The following PRMT8 variants were observed in gnomAD, a reference collection of about 807,000 sequenced individuals.
PRMT8 encodes protein arginine N-methyltransferase 8.
In PRMT8, 7 loss-of-function variants were observed where a neutral mutation model predicts 47.1. The ratio of observed to expected loss-of-function variants is 0.15; its 90% CI spans 0.08 to 0.28. The LOEUF is 0.28. PRMT8 is among the 10% of genes least tolerant of loss of function. The probability of loss-of-function intolerance (pLI) is 1.00; values close to 1 mark genes in which losing one functional copy is unlikely to be tolerated. For synonymous variants in PRMT8, 188 were observed against 186.5 expected, an observed-to-expected ratio of 1.01 and a Z score of -0.07; for missense variants, 237 against 505.4, an observed-to-expected ratio of 0.47 and a Z score of 5.09.
At chr12:3,450,860 A>G (rs1051265849) in intron 1 of PRMT8, among the ~76,000 whole-genome samples, 1 of 152,220 alleles carries the variant, frequency 6.6e-6, no homozygotes, top group Non-Finnish European at 1.5e-5. Context: ...TTGCTTCTGC[A>G]AGCACTCAGC....
At position 3,557,584 on chromosome 12, in the gene PRMT8, C is replaced by A. The variant is rs140445252; in HGVS notation, c.481+3870C>A. Among the ~76,000 whole-genome samples the A allele has an allele frequency of 3.2e-4, 49 of 152,296 alleles. No individual in the cohort carries two copies. In the East Asian group the frequency reaches 8.9e-3, roughly 28 times the overall value. On this transcript the variant is annotated intron_variant, in intron 4 of 9. Transcript: ENST00000382622. The surrounding 1 kb of genome is among the most constrained non-coding windows in gnomAD (Gnocchi z 4.7). ...TCCTCAGAGAAGTGCTTGACCCGGG[C>A]TCCCTATCTGCTTACTAAAGACAGA...
rs1368638381 is a variant in PRMT8, at chr12:3,535,428, A to G, written c.76-5178A>G. ...GCGTGGTGAGTCGAAGGCAAATCAC[A>G]AGTATTGACAGTGGAGGGTGATTCT... On this transcript the variant is annotated intron_variant, in intron 1 of 9. Transcript: ENST00000382622. This position sits in a 1 kb window ranked among gnomAD's most constrained non-coding sequence, Gnocchi z 4.7. 6.6e-6 allele frequency among the ~76,000 whole-genome samples: 1 copy of G among 152,188 alleles called. No homozygotes were observed. Among genetic ancestry groups the G allele is most frequent in the East Asian group, 1.9e-4 (1 of 5,188 alleles).
At chr12:3,480,779 C>G (rs1865266887) in intron 1 of PRMT8, among the ~76,000 whole-genome samples, 1 of 152,168 alleles carries the variant, frequency 6.6e-6, no homozygotes, top group African/African-American at 2.4e-5. Context: ...ACTTCCACCC[C>G]CAAAATCATG....
At chr12:3,489,989 C>A (rs898576089), upstream of PRMT8, among the ~76,000 whole-genome samples, 1 of 152,120 alleles carries the variant, frequency 6.6e-6, no homozygotes, top group Admixed American at 6.5e-5. Flanking sequence ...GGCATGTTTC[C>A]TACTGAGAAT....
chr12:3,548,163 G>T (rs1020202136), intron 2 of PRMT8, among the ~76,000 whole-genome samples: 2 of 152,024 alleles, frequency 1.3e-5, no homozygotes, highest in African/African-American at 4.8e-5. Flanking sequence ...AAGAAAAAAT[G>T]AGCTCACACC....
At chr12:3,568,162 A>T (rs914439872) in intron 4 of PRMT8, among the ~76,000 whole-genome samples, 1 of 152,194 alleles carries the variant, frequency 6.6e-6, no homozygotes, top group Non-Finnish European at 1.5e-5. Context: ...GGAAATTGTT[A>T]AGAAAATCCT....
upstream of PRMT8, among the ~76,000 whole-genome samples, chr12:3,489,823 A>ACACACACACGCG (rs1319980050): frequency 7.0e-6 from 1 of 142,654 alleles, no homozygotes; most frequent in East Asian, 2.1e-4. Flanking sequence ...ACACACACAC[A>ACACACACACGCG]CACACACACA....
chr12:3,499,104 C>G (rs11613909), intron 1 of PRMT8, among the ~76,000 whole-genome samples: 1 of 151,854 alleles, frequency 6.6e-6, no homozygotes, highest in African/African-American at 2.4e-5. Flanking sequence ...AGGGGCCACT[C>G]TAATCCAATA....
At chr12:3,407,818 C>A (rs554817019) in intron 1 of PRMT8, among the ~76,000 whole-genome samples, 1 of 151,954 alleles carries the variant, frequency 6.6e-6, no homozygotes, top group Non-Finnish European at 1.5e-5. Context: ...ATTCTCTTTT[C>A]TTTTTTTCCC....
chr12:3,455,376 G>A (rs1268570085), intron 1 of PRMT8, among the ~76,000 whole-genome samples: 1 of 152,168 alleles, frequency 6.6e-6, no homozygotes, highest in East Asian at 1.9e-4. Context: ...CTTGGGGTGT[G>A]GAAGGCAAGA....
intron 1 of PRMT8, among the ~76,000 whole-genome samples, chr12:3,495,342 G>T (rs189677757): frequency 5.1e-4 from 78 of 152,268 alleles, no homozygotes; most frequent in Non-Finnish European, 3.7e-4. Flanking sequence ...AGCATGGTGT[G>T]CAAAGCCCAT....
Position 3,492,383 on chromosome 12 carries a change from C to A in PRMT8, c.75+683C>A, listed in dbSNP as rs1453765156. Among the ~76,000 whole-genome samples the A allele has an allele frequency of 6.6e-6, 1 of 152,166 alleles. No homozygotes were observed. Among genetic ancestry groups the A allele is most frequent in the Non-Finnish European group, 1.5e-5 (1 of 68,012 alleles). ...CACGGGCCGCGGCCACCTTCAGCACCAGGGACAGCGTCCGCCCCTGCAGCA... is the reference window on the plus strand; with the variant it reads ...CACGGGCCGCGGCCACCTTCAGCACAAGGGACAGCGTCCGCCCCTGCAGCA... On this transcript the variant is annotated intron_variant, in intron 1 of 9. Transcript: ENST00000382622. The surrounding 1 kb of genome is among the most constrained non-coding windows in gnomAD (Gnocchi z 7.5).
At chr12:3,387,323 C>T (rs1376690345) in intron 1 of PRMT8, among the ~76,000 whole-genome samples, 2 of 152,216 alleles carry the variant, frequency 1.3e-5, no homozygotes, top group African/African-American at 4.8e-5. Context: ...CAGAGGATGT[C>T]CCCATTATAA....
At position 3,579,941 on chromosome 12, in the gene PRMT8, T is replaced by C. The variant is rs560683288; in HGVS notation, c.828+2955T>C. On this transcript the variant is annotated intron_variant, in intron 7 of 9. Transcript: ENST00000382622. ...TCTCCCTGGGGTCTCAGAGCTGCTGTTTCTGCTGCAGAAAAGAGGAAGCCT... is the reference window on the plus strand; with the variant it reads ...TCTCCCTGGGGTCTCAGAGCTGCTGCTTCTGCTGCAGAAAAGAGGAAGCCT... Among the ~76,000 whole-genome samples, 5 of 152,148 alleles carry C rather than the reference T, an allele frequency of 3.3e-5. No homozygotes were observed. The East Asian group carries it at 9.7e-4, about 29-fold the overall frequency.
intron 1 of PRMT8, among the ~76,000 whole-genome samples, chr12:3,473,840 C>T (rs971339569): frequency 3.9e-5 from 6 of 152,326 alleles, no homozygotes; most frequent in African/African-American, 9.6e-5. Context: ...CTGCTTCTCC[C>T]TCTCATCCTG....
At chr12:3,491,124 C>T (rs1489012905), upstream of PRMT8, 9 of 984,306 alleles carry the variant, frequency 9.1e-6, no homozygotes, top group Non-Finnish European at 1.1e-5. Context: ...CGCCCAGCCG[C>T]CGCCGGCTCC....
intron 1 of PRMT8, among the ~76,000 whole-genome samples, chr12:3,459,983 A>G (rs1366471804): frequency 6.6e-6 from 1 of 152,194 alleles, no homozygotes; most frequent in Admixed American, 6.5e-5. Flanking sequence ...CCACACCGTC[A>G]TTCACTTCAC....
intron 1 of PRMT8, among the ~76,000 whole-genome samples, chr12:3,386,362 A>G (rs949496249): frequency 4.6e-5 from 7 of 152,206 alleles, no homozygotes; most frequent in African/African-American, 1.7e-4. Context: ...GATAGGACAG[A>G]TTTTACTAAA....
At chr12:3,415,131 T>C (rs1438276458) in intron 1 of PRMT8, among the ~76,000 whole-genome samples, 1 of 151,904 alleles carries the variant, frequency 6.6e-6, no homozygotes, top group Admixed American at 6.6e-5. Context: ...TTGGCTGGAG[T>C]GGCTCACAGA....
Sources: allele counts gnomAD v4.1 joint callset (sites outside exome capture counted in the v4.1 genomes callset), GRCh38; gene constraint gnomAD v4.1.1; non-coding constraint Gnocchi (gnomAD v3.1); transcripts MANE v1.5; gene names NCBI Gene and HGNC (gene_info 2026-07-23, HGNC 2026-07-21).